Variants in CNOT10 observed in about 807,000 individuals in gnomAD.
The protein encoded by CNOT10 is CCR4-NOT transcription complex, subunit 10.
Under a neutral mutation model 94.6 loss-of-function variants are expected in CNOT10, and 30 were observed. The ratio of observed to expected loss-of-function variants is 0.32; its 90% CI spans 0.24 to 0.43. The LOEUF is 0.43. CNOT10 is among the 20% of genes least tolerant of loss of function. The pLI is 1.00. For missense variants in CNOT10, 759 were observed against 877.2 expected (o/e 0.87, Z 1.70); for synonymous variants, 289 against 301.6 (o/e 0.96, Z 0.43).
intron 13 of CNOT10, among the ~76,000 whole-genome samples, chr3:32,747,127 A>G (rs926076617): frequency 1.3e-5 from 2 of 151,864 alleles, no homozygotes; most frequent in African/African-American, 4.8e-5. Flanking sequence ...AAAAAAATCA[A>G]TATAATAGGC....
chr3:32,729,406 C>T (rs551075394), intron 10 of CNOT10, among the ~76,000 whole-genome samples: 79 of 152,174 alleles, frequency 5.2e-4, no homozygotes, highest in Non-Finnish European at 8.8e-4. Flanking sequence ...CATTTGCTAC[C>T]CCATGCCCTG....
intron 13 of CNOT10, 88 bp downstream of exon 13, chr3:32,737,578 A>G: frequency 1.3e-6 from 1 of 791,040 alleles, no homozygotes; most frequent in Non-Finnish European, 2.0e-6. Context: ...TAATCCCAGC[A>G]CTTTGGGAGG....
At chr3:32,718,590 A>T (rs969914865) in intron 7 of CNOT10, among the ~76,000 whole-genome samples, 6 of 150,750 alleles carry the variant, frequency 4.0e-5, no homozygotes, top group African/African-American at 1.5e-4. Context: ...TCTCAAAAAA[A>T]AAAAAAAAAA....
intron 17 of CNOT10, among the ~76,000 whole-genome samples, chr3:32,768,653 TA>T (rs1481427767): frequency 2.0e-5 from 3 of 152,178 alleles, no homozygotes; most frequent in Non-Finnish European, 2.9e-5. Context: ...AAGCTAGGCT[TA>T]GATATATAAA....
At chr3:32,754,487 A>ACTAT (rs1296898874) in intron 13 of CNOT10, among the ~76,000 whole-genome samples, 1 of 62,722 alleles carries the variant, frequency 1.6e-5, no homozygotes. Flanking sequence ...AAAAAAAAAA[A>ACTAT]AAATACATAT....
intron 11 of CNOT10, 79 bp from the exon 12 acceptor site, chr3:32,734,721 T>A: frequency 8.8e-7 from 1 of 1,130,390 alleles, no homozygotes; most frequent in Non-Finnish European, 1.3e-6. Context: ...TATAATCAAT[T>A]GGTTTTATTC....
chr3:32,719,605 A>G lies in CNOT10; in HGVS notation c.745-509A>G, dbSNP rs183018673. On this transcript the variant is annotated intron_variant, in intron 7 of 18. Transcript: ENST00000328834. Reference sequence around the variant, plus strand: ...ACGTGATCTTTGGAACAGCAAGATTAGTGCTTGCAAATAAGGCATTCTGTT... The same window carrying G: ...ACGTGATCTTTGGAACAGCAAGATTGGTGCTTGCAAATAAGGCATTCTGTT... Among the ~76,000 whole-genome samples, 796 of 152,358 alleles carry G rather than the reference A, an allele frequency of 5.2e-3. 6 individuals are homozygous for G. Among genetic ancestry groups the G allele is most frequent in the African/African-American group, 0.018 (732 of 41,586 alleles).
At chr3:32,695,731 C>T (rs752309196) in intron 1 of CNOT10, 1 of 1,535,872 alleles carries the variant, frequency 6.5e-7, no homozygotes, top group South Asian at 1.2e-5. Context: ...GAAAGTCAAG[C>T]TTATGGGTGA....
intron 13 of CNOT10, chr3:32,753,583 C>T: frequency 6.3e-7 from 1 of 1,586,198 alleles, no homozygotes; most frequent in Admixed American, 1.7e-5. Context: ...GCTAGAGGAG[C>T]AAGGAGATGT....
intron 1 of CNOT10, among the ~76,000 whole-genome samples, chr3:32,688,654 C>G (rs1696725897): frequency 6.6e-6 from 1 of 152,132 alleles, no homozygotes; most frequent in Non-Finnish European, 1.5e-5. Context: ...TCTGCAGTTG[C>G]TCACACCTGT....
intron 7 of CNOT10, among the ~76,000 whole-genome samples, chr3:32,719,765 A>C (rs1359571619): frequency 6.6e-6 from 1 of 152,324 alleles, no homozygotes; most frequent in South Asian, 2.1e-4. Flanking sequence ...AGTCTCTCTA[A>C]TAACTATTAA....
chr3:32,703,211 A>G (rs193211605), intron 1 of CNOT10, among the ~76,000 whole-genome samples: 142 of 151,194 alleles, frequency 9.4e-4, no homozygotes, highest in Non-Finnish European at 1.7e-3. Context: ...GGCGTGAGCC[A>G]CCGTGCCTGG....
At chr3:32,718,359 C>A (rs182874510) in intron 7 of CNOT10, among the ~76,000 whole-genome samples, 1 of 144,768 alleles carries the variant, frequency 6.9e-6, no homozygotes, top group African/African-American at 2.6e-5. Flanking sequence ...CTGAGGCGGG[C>A]GGATCACGAG....
intron 1 of CNOT10, among the ~76,000 whole-genome samples, chr3:32,687,501 G>C (rs1453910488): frequency 8.8e-6 from 1 of 113,854 alleles, no homozygotes; most frequent in Non-Finnish European, 1.6e-5. Flanking sequence ...ACCCAGGCTG[G>C]AGTGCAGTGG....
At chr3:32,719,342 C>T (rs1404715828) in intron 7 of CNOT10, among the ~76,000 whole-genome samples, 1 of 152,132 alleles carries the variant, frequency 6.6e-6, no homozygotes, top group Non-Finnish European at 1.5e-5. Flanking sequence ...ATTGTTTGAA[C>T]CTAGGAGGCG....
chr3:32,739,371 C>T (rs1699347408), intron 13 of CNOT10, among the ~76,000 whole-genome samples: 1 of 152,084 alleles, frequency 6.6e-6, no homozygotes, highest in South Asian at 2.1e-4. Context: ...CTTCTACTAA[C>T]TCTGGTTTAT....
At chr3:32,695,442 A>C in intron 1 of CNOT10, 1 of 791,854 alleles carries the variant, frequency 1.3e-6, no homozygotes, top group South Asian at 2.5e-5. Flanking sequence ...TCTTTTCTTG[A>C]TATATCAGTG....
chr3:32,764,862 G>C, intron 17 of CNOT10, 53 bp downstream of exon 17: 1 of 1,594,862 alleles, frequency 6.3e-7, no homozygotes, highest in Middle Eastern at 1.7e-4. Context: ...ACACAAGTTT[G>C]AGGTTTATAT....
intron 1 of CNOT10, among the ~76,000 whole-genome samples, chr3:32,693,757 G>A (rs1257580751): frequency 6.6e-6 from 1 of 151,974 alleles, no homozygotes; most frequent in African/African-American, 2.4e-5. Context: ...GCCCAGGCTA[G>A]TCTTGAACTC....
Sources: gnomAD v4.1 joint callset for allele counts (sites outside exome capture counted in the v4.1 genomes callset) on GRCh38, gnomAD v4.1.1 for gene constraint, MANE v1.5 for transcripts, NCBI Gene and HGNC (gene_info 2026-07-23, HGNC 2026-07-21) for gene names.